The following ADCY1 variants were observed in gnomAD, a reference collection of about 807,000 sequenced individuals.
The protein encoded by ADCY1 is adenylate cyclase type 1.
Under a neutral mutation model 105.4 loss-of-function variants are expected in ADCY1, and 28 were observed. The observed-to-expected ratio is 0.27, with a 90% CI of 0.20 to 0.36. The LOEUF is 0.36. Ranked by LOEUF, ADCY1 falls within the 10% of genes least tolerant of loss-of-function variation. The pLI is 1.00. For synonymous variants in ADCY1, 655 were observed against 623.8 expected, an observed-to-expected ratio of 1.05 and a Z score of -0.75; for missense variants, 977 against 1,434.2, an observed-to-expected ratio of 0.68 and a Z score of 5.15.
intron 12 of ADCY1, 133 bp downstream of exon 12, chr7:45,685,201 C>G: frequency 6.3e-6 from 5 of 788,828 alleles, no homozygotes; most frequent in Non-Finnish European, 1.1e-5. Context: ...CATGGGGCCC[C>G]AAGGAGCCAG....
chr7:45,581,911 TC>T (rs1040077828), intron 1 of ADCY1, among the ~76,000 whole-genome samples: 1 of 151,154 alleles, frequency 6.6e-6, no homozygotes, highest in Non-Finnish European at 1.5e-5. Context: ...ACACTCATTC[TC>T]CCCCCAAACA....
chr7:45,597,521 C>T (rs1462103190), intron 2 of ADCY1, among the ~76,000 whole-genome samples: 1 of 151,630 alleles, frequency 6.6e-6, no homozygotes, highest in African/African-American at 2.4e-5. Flanking sequence ...TGCCTACTTA[C>T]TGCTAACTTT....
chr7:45,575,272 A>C lies in ADCY1; in HGVS notation c.639+90A>C. On this transcript the variant is annotated intron_variant, in intron 1 of 19. Transcript: ENST00000297323. The surrounding 1 kb of genome is among the most constrained non-coding windows in gnomAD (Gnocchi z 4.7). Reference sequence around the variant, plus strand: ...CCCGGAGTCGGGCGCGCTTTTTCCTATGCGGCGGGTGGGGACACTGAGGCT... The same window carrying C: ...CCCGGAGTCGGGCGCGCTTTTTCCTCTGCGGCGGGTGGGGACACTGAGGCT... The C allele has an allele frequency of 2.1e-6, 3 of 1,460,840 alleles. No homozygotes were observed. Among genetic ancestry groups the C allele is most frequent in the Non-Finnish European group, 2.7e-6 (3 of 1,105,604 alleles). The allele number at this position is 1,460,840 out of a possible 1,614,324, so 90.5% of individuals were successfully genotyped here.
intron 2 of ADCY1, among the ~76,000 whole-genome samples, chr7:45,602,387 C>T (rs1009069703): frequency 6.6e-6 from 1 of 152,138 alleles, no homozygotes; most frequent in Non-Finnish European, 1.5e-5. Flanking sequence ...CCAGGAAGCC[C>T]TGTATCCCTG....
At chr7:45,624,371 G>A (rs1793992367) in intron 4 of ADCY1, among the ~76,000 whole-genome samples, 1 of 151,998 alleles carries the variant, frequency 6.6e-6, no homozygotes, top group Non-Finnish European at 1.5e-5. Context: ...GTGGGCATGG[G>A]GGATTTTGGA....
At chr7:45,613,779 G>T (rs1793656455) in intron 3 of ADCY1, among the ~76,000 whole-genome samples, 1 of 152,146 alleles carries the variant, frequency 6.6e-6, no homozygotes, top group Admixed American at 6.5e-5. Flanking sequence ...AAAGGAAAAA[G>T]TGATTTGTCA....
At chr7:45,587,076 G>A (rs1449808664) in intron 1 of ADCY1, among the ~76,000 whole-genome samples, 2 of 152,186 alleles carry the variant, frequency 1.3e-5, no homozygotes, top group East Asian at 1.9e-4. Context: ...TTGAAAATGG[G>A]AGCAAATTCA....
rs970928462 is a variant in ADCY1 at position 45,582,797 on chromosome 7, G to A, written c.639+7615G>A. On this transcript the variant is annotated intron_variant, in intron 1 of 19. Transcript: ENST00000297323. ...TACCCCATGTGTGTTTCCCTCTGCC[G>A]TGCAGAGATGCCAGCCCCAGGAAGG... Among the ~76,000 whole-genome samples, 5 of 152,166 alleles carry A rather than the reference G, an allele frequency of 3.3e-5. No homozygotes were observed. In the East Asian group the frequency reaches 5.8e-4, roughly 18 times the overall value.
At chr7:45,582,466 C>T (rs1196195246) in intron 1 of ADCY1, among the ~76,000 whole-genome samples, 1 of 152,002 alleles carries the variant, frequency 6.6e-6, no homozygotes, top group Non-Finnish European at 1.5e-5. Context: ...GCTGTGGAGG[C>T]AGGGACCGGG....
At chr7:45,608,861 G>A (rs1244201901) in intron 2 of ADCY1, among the ~76,000 whole-genome samples, 2 of 152,078 alleles carry the variant, frequency 1.3e-5, no homozygotes, top group African/African-American at 4.8e-5. Flanking sequence ...CTTGGTGGGG[G>A]TGGGTTCTCA....
At chr7:45,663,093 A>G (rs1015467445) in intron 8 of ADCY1, among the ~76,000 whole-genome samples, 2 of 152,202 alleles carry the variant, frequency 1.3e-5, no homozygotes, top group Non-Finnish European at 2.9e-5. Flanking sequence ...TGTGCCTAGG[A>G]CAAGAGGAAC....
intron 7 of ADCY1, 118 bp downstream of exon 7, chr7:45,660,301 T>C: frequency 7.1e-7 from 1 of 1,408,544 alleles, no homozygotes; most frequent in Non-Finnish European, 9.7e-7. Context: ...GCTGTGAACT[T>C]GCTAAGATGG....
intron 3 of ADCY1, among the ~76,000 whole-genome samples, chr7:45,618,132 A>T (rs939281484): frequency 6.6e-6 from 1 of 152,204 alleles, no homozygotes; most frequent in African/African-American, 2.4e-5. Context: ...ATTGGGGAAA[A>T]GACAATCTCT....
Position 45,575,155 on chromosome 7 carries a change from C to A in ADCY1, c.612C>A (p.Pro204=). The change falls in exon 1 of 20, where the codon CCC becomes CCA. Residue 204 remains proline, a synonymous_variant. Transcript: ENST00000297323. The surrounding 1 kb of genome is among the most constrained non-coding windows in gnomAD (Gnocchi z 4.7). ...TGCTGGTCACAGCCACCTTGGTCCC[C>A]GCCAAGCGCCCACGTCTCTGGAGGA... ...SHLLVTATLV[P]AKRPRLWRTL... 6.2e-7 allele frequency: 1 copy of A among 1,607,544 alleles called. No individual in the cohort carries two copies. The highest frequency in any genetic ancestry group is 1.8e-4 in the Middle Eastern group (1 of 5,530).
At chr7:45,664,371 C>G (rs1291177929) in intron 8 of ADCY1, 1 of 1,536,090 alleles carries the variant, frequency 6.5e-7, no homozygotes, top group East Asian at 2.4e-5. Flanking sequence ...CGACTGTGCA[C>G]GTAGCTTCAG....
At chr7:45,620,300 A>C (rs979409243) in intron 3 of ADCY1, among the ~76,000 whole-genome samples, 2 of 152,214 alleles carry the variant, frequency 1.3e-5, no homozygotes, top group African/African-American at 4.8e-5. Context: ...TCTGCTGTAC[A>C]ATATTTTACC....
chr7:45,663,936 T>C (rs973465791), intron 8 of ADCY1, among the ~76,000 whole-genome samples: 5 of 152,186 alleles, frequency 3.3e-5, no homozygotes, highest in Non-Finnish European at 5.9e-5. Flanking sequence ...GGAGTCGTGC[T>C]GTTGCGGGGA....
chr7:45,614,357 G>C (rs1793677330), intron 3 of ADCY1, among the ~76,000 whole-genome samples: 1 of 151,648 alleles, frequency 6.6e-6, no homozygotes, highest in African/African-American at 2.4e-5. Context: ...TAATCACTGA[G>C]GTAACCACAA....
chr7:45,660,006 C>G, intron 6 of ADCY1, 36 bp from the exon 7 acceptor site: 2 of 1,612,526 alleles, frequency 1.2e-6, no homozygotes, highest in South Asian at 1.1e-5. Context: ...AGCAGTGGTT[C>G]CCCACTCATC....
Sources: allele counts gnomAD v4.1 joint callset (sites outside exome capture counted in the v4.1 genomes callset), GRCh38; gene constraint gnomAD v4.1.1; non-coding constraint Gnocchi (gnomAD v3.1); transcripts MANE v1.5; gene names NCBI Gene and HGNC (gene_info 2026-07-23, HGNC 2026-07-21).